MCM9: variants seen among roughly 807,000 people sequenced by gnomAD.
MCM9 encodes the protein minichromosome maintenance 9 homologous recombination repair factor.
In MCM9, 55 loss-of-function variants were observed where a neutral mutation model predicts 72.8. That is an observed-to-expected ratio of 0.76 (90% confidence interval 0.61 to 0.95). MCM9 has a LOEUF of 0.95. Ranked by LOEUF, MCM9 falls within the 40% of genes least tolerant of loss-of-function variation. The pLI is 0.00. For missense variants in MCM9, 1,279 were observed against 1,377.0 expected, an observed-to-expected ratio of 0.93 and a Z score of 1.13; for synonymous variants, 480 against 503.4, an observed-to-expected ratio of 0.95 and a Z score of 0.62.
chr6:118,845,264 T>C (rs1324242606), intron 9 of MCM9, among the ~76,000 whole-genome samples: 1 of 151,934 alleles, frequency 6.6e-6, no homozygotes, highest in African/African-American at 2.4e-5. Context: ...AAACTTCTGA[T>C]GCTGTGGTGG....
rs767780774 is a variant in MCM9, at chr6:118,815,034, A to G, written c.3222T>C (p.Pro1074=). The part of the protein sequence containing the change: ...TPPSESKSKS[P]PPERKNRGER... ...CACCTCGGTTCTTCCTTTCAGGAGG[A>G]GGGGATTTTGATTTGGATTCCGATG... Residue 1074 remains proline (P), a synonymous_variant, in exon 14 of 14, where the codon CCT becomes CCC. Transcript: ENST00000619706. 6.1e-5 allele frequency: 95 copies of G among 1,550,036 alleles called. No homozygotes were observed. The highest frequency in any genetic ancestry group is 7.9e-5 in the Non-Finnish European group (91 of 1,146,666).
chr6:118,885,429 G>C (rs1393429783), intron 8 of MCM9, among the ~76,000 whole-genome samples: 1 of 152,026 alleles, frequency 6.6e-6, no homozygotes, highest in Non-Finnish European at 1.5e-5. Context: ...CCTTTAGTTA[G>C]GGTGACCAAA....
Position 118,816,135 on chromosome 6 carries a change from G to A in MCM9, c.2121C>T (p.Ser707=), listed in dbSNP as rs1441855581. 9.7e-6 allele frequency: 15 copies of A among 1,550,314 alleles called. No homozygotes were observed. The highest frequency in any genetic ancestry group is 1.2e-5 in the Non-Finnish European group (14 of 1,146,924). ...YSTHIFSPGG[S]PEGSPVLDPP... is the part of the protein sequence containing the mutation. The stretch of plus-strand genomic sequence containing the variant: ...GATCTAGAACTGGGCTTCCCTCGGG[G>A]CTGCCTCCAGGAGAGAAGATATGTG... The change falls in exon 14 of 14, where the codon AGC becomes AGT. Residue 707 remains serine, a synonymous_variant. Transcript: ENST00000619706.
intron 3 of MCM9, among the ~76,000 whole-genome samples, chr6:118,924,959 C>T (rs1229958509): frequency 3.3e-5 from 5 of 151,862 alleles, no homozygotes; most frequent in South Asian, 2.1e-4. Context: ...GTGGGAGGAT[C>T]TCTTGAGCCC....
intron 8 of MCM9, chr6:118,894,255 C>T (rs1779182257): frequency 6.9e-7 from 1 of 1,454,356 alleles, no homozygotes; most frequent in Admixed American, 2.6e-5. Context: ...TGGAGTGCTC[C>T]CGTGTAAATA....
chr6:118,931,289 G>A (rs1782405621), intron 3 of MCM9, 131 bp downstream of exon 3: 1 of 767,274 alleles, frequency 1.3e-6, no homozygotes, highest in East Asian at 2.7e-5. Flanking sequence ...TAAAAGAAGT[G>A]ACCATCAACT....
At position 118,814,880 on chromosome 6, in the gene MCM9, G is replaced by C. The variant is rs1435752181; in HGVS notation, c.3376C>G (p.Leu1126Val). The C allele has an allele frequency of 6.5e-7, 1 of 1,544,136 alleles. No individual in the cohort carries two copies. The highest frequency in any genetic ancestry group is 8.7e-7 in the Non-Finnish European group (1 of 1,144,378). The change falls in exon 14 of 14, where the codon CTA becomes GTA. Residue 1126 changes from leucine to valine, a missense_variant. Physicochemically the swap from Leu to Val is conservative, Grantham distance 32 (BLOSUM62 1). Coordinates refer to ENST00000619706, the MANE Select transcript of MCM9 (RefSeq NM_017696.3). ...TCACAATCAAATGCTTCATCACCTAGTTCTGGTAAAGTGAAGAGGGATTCT... is the reference window on the plus strand; with the variant it reads ...TCACAATCAAATGCTTCATCACCTACTTCTGGTAAAGTGAAGAGGGATTCT... ...SKESLFTLPELGDEAFDCDWD... is the reference protein window; with the variant it reads ...SKESLFTLPEVGDEAFDCDWD...
intron 8 of MCM9, among the ~76,000 whole-genome samples, chr6:118,888,112 AAGAC>A (rs2114432715): frequency 6.6e-6 from 1 of 152,328 alleles, no homozygotes; most frequent in Non-Finnish European, 1.5e-5. Flanking sequence ...TATAATCAAA[AAGAC>A]AGAACAGCAA....
intron 8 of MCM9, among the ~76,000 whole-genome samples, chr6:118,886,845 G>A (rs1445844510): frequency 1.3e-5 from 2 of 152,056 alleles, no homozygotes; most frequent in East Asian, 3.9e-4. Context: ...CACACCTGTA[G>A]TCCTAGCTAC....
At chr6:118,914,807 C>T (rs1283745331) in intron 6 of MCM9, among the ~76,000 whole-genome samples, 1 of 152,172 alleles carries the variant, frequency 6.6e-6, no homozygotes, top group East Asian at 1.9e-4. Flanking sequence ...AAGCATATCC[C>T]TGTGGTAAGA....
In MCM9 at chr6:118,842,841, C is replaced by T. The variant is rs902470632; in HGVS notation, c.1325+13530G>A. ...AGCCCCCTTTTTTAAAAAAAACTCA[C>T]GTTGCATCATTTGCTTCCTGGTTTC... On this transcript the variant is annotated intron_variant, in intron 9 of 13. Coordinates refer to ENST00000619706, the MANE Select transcript of MCM9 (RefSeq NM_017696.3). Among the ~76,000 whole-genome samples the T allele has an allele frequency of 2.0e-4, 31 of 152,078 alleles. 2 individuals are homozygous for T. Among genetic ancestry groups the T allele is most frequent in the Admixed American group, 2.0e-3 (30 of 15,260 alleles).
chr6:118,905,556 C>A, intron 8 of MCM9: 1 of 940,480 alleles, frequency 1.1e-6, no homozygotes, highest in Admixed American at 2.7e-5. Flanking sequence ...TTGTTGCATC[C>A]TCAACTGATG....
At chr6:118,864,265 G>A (rs747002376) in intron 8 of MCM9, among the ~76,000 whole-genome samples, 12 of 152,046 alleles carry the variant, frequency 7.9e-5, no homozygotes, top group African/African-American at 1.7e-4. Context: ...ATGCTTTTGC[G>A]TCCTCACAGC....
At chr6:118,895,975 T>G (rs1295528925) in intron 8 of MCM9, among the ~76,000 whole-genome samples, 1 of 151,946 alleles carries the variant, frequency 6.6e-6, no homozygotes, top group Non-Finnish European at 1.5e-5. Flanking sequence ...TTAACAGTTC[T>G]CTGTACTCAG....
At chr6:118,832,599 G>C (rs1193425122) in intron 9 of MCM9, among the ~76,000 whole-genome samples, 2 of 152,128 alleles carry the variant, frequency 1.3e-5, no homozygotes, top group Non-Finnish European at 2.9e-5. Flanking sequence ...AAGAAGTAAA[G>C]ACATTCCAAT....
At chr6:118,833,795 A>G (rs1774758810) in intron 9 of MCM9, among the ~76,000 whole-genome samples, 1 of 152,150 alleles carries the variant, frequency 6.6e-6, no homozygotes, top group Admixed American at 6.6e-5. Context: ...AGGAAATGGG[A>G]GTTTTTTTAA....
intron 9 of MCM9, among the ~76,000 whole-genome samples, chr6:118,832,354 T>C (rs945730664): frequency 1.3e-5 from 2 of 152,202 alleles, no homozygotes; most frequent in African/African-American, 4.8e-5. Flanking sequence ...TGAGCCACCT[T>C]GCCCAGCCTA....
intron 8 of MCM9, among the ~76,000 whole-genome samples, chr6:118,860,512 TAAAG>T (rs917427229): frequency 6.6e-6 from 1 of 151,624 alleles, no homozygotes; most frequent in African/African-American, 2.4e-5. Flanking sequence ...AGAATAACAA[TAAAG>T]AGAGAAAGGG....
At chr6:118,857,626 C>CAA (rs1203197065) in intron 8 of MCM9, among the ~76,000 whole-genome samples, 1,225 of 68,916 alleles carry the variant, frequency 0.018, no homozygotes, top group East Asian at 0.028. Flanking sequence ...CCAGACTGAC[C>CAA]AAAAAAAAAA....
Sources: gnomAD v4.1 joint callset for allele counts (sites outside exome capture counted in the v4.1 genomes callset) on GRCh38, gnomAD v4.1.1 for gene constraint, MANE v1.5 for transcripts, NCBI Gene and HGNC (gene_info 2026-07-23, HGNC 2026-07-21) for gene names.